Variants in TMCC1 observed in about 807,000 individuals in gnomAD.
TMCC1 encodes the protein transmembrane and coiled-coil domain family 1.
In TMCC1, 15 loss-of-function variants were observed where a neutral mutation model predicts 52.4. The observed-to-expected ratio is 0.29, with a 90% confidence interval of 0.19 to 0.44. TMCC1 has a LOEUF of 0.44. Ranked by LOEUF, TMCC1 falls within the 20% of genes least tolerant of loss-of-function variation. The pLI is 1.00. For missense variants in TMCC1, 503 were observed against 806.0 expected, an observed-to-expected ratio of 0.62 and a Z score of 4.55; for synonymous variants, 279 against 301.9, an observed-to-expected ratio of 0.92 and a Z score of 0.79.
chr3:129,704,722 C>A (rs959831786), intron 4 of TMCC1, among the ~76,000 whole-genome samples: 1 of 152,098 alleles, frequency 6.6e-6, no homozygotes, highest in Non-Finnish European at 1.5e-5. Context: ...TCGGCCCGGG[C>A]AGAACATTTT....
intron 1 of TMCC1, among the ~76,000 whole-genome samples, chr3:129,888,618 A>C (rs1156911895): frequency 6.6e-6 from 1 of 152,242 alleles, no homozygotes; most frequent in Non-Finnish European, 1.5e-5. Flanking sequence ...GAGCCAACTT[A>C]AAGAGCTCCC....
chr3:129,887,466 C>T (rs1202754642), intron 1 of TMCC1, among the ~76,000 whole-genome samples: 2 of 149,550 alleles, frequency 1.3e-5, no homozygotes, highest in African/African-American at 2.5e-5. Flanking sequence ...CACTTGAACC[C>T]GGGAGGTGGA....
At chr3:129,657,194 C>T (rs2108851665) in intron 5 of TMCC1, among the ~76,000 whole-genome samples, 1 of 152,268 alleles carries the variant, frequency 6.6e-6, no homozygotes, top group East Asian at 1.9e-4. Context: ...TTGATAAAAG[C>T]AGACACATGT....
chr3:129,752,957 A>C (rs1422779111), intron 4 of TMCC1, among the ~76,000 whole-genome samples: 2 of 152,154 alleles, frequency 1.3e-5, no homozygotes, highest in Non-Finnish European at 2.9e-5. Flanking sequence ...AGAGAGACAG[A>C]AAGAGAGAAG....
chr3:129,758,619 A>C lies in TMCC1; in HGVS notation c.576+69184T>G, dbSNP rs1262844022. ...GTTAGTATCATAAAGTTAGTTTCCA[A>C]ATTATTTCCTTTTATGTCTTCCCAA... is the stretch of plus-strand genomic sequence containing the variant. On this transcript the variant is annotated intron_variant, in intron 4 of 6. Transcript: ENST00000393238. 4.6e-5 allele frequency among the ~76,000 whole-genome samples: 7 copies of C among 152,270 alleles called. No homozygotes were observed. In the East Asian group the frequency reaches 1.4e-3, roughly 29 times the overall value.
At chr3:129,739,088 A>G (rs1489110681) in intron 4 of TMCC1, among the ~76,000 whole-genome samples, 2 of 152,220 alleles carry the variant, frequency 1.3e-5, no homozygotes, top group Non-Finnish European at 2.9e-5. Context: ...AACTGCTGGG[A>G]TTAAAGGCAG....
At chr3:129,694,815 CATTCTTTT>C (rs1448142959) in intron 4 of TMCC1, among the ~76,000 whole-genome samples, 2 of 152,032 alleles carry the variant, frequency 1.3e-5, no homozygotes, top group Admixed American at 1.3e-4. Flanking sequence ...CTATGGAGGC[CATTCTTTT>C]ATTCTTTTAC....
At chr3:129,748,833 T>C (rs1328398943) in intron 4 of TMCC1, among the ~76,000 whole-genome samples, 1 of 151,950 alleles carries the variant, frequency 6.6e-6, no homozygotes, top group East Asian at 1.9e-4. Flanking sequence ...CAAAACACTG[T>C]CTCTACTAAA....
chr3:129,787,145 T>A (rs931641724), intron 4 of TMCC1, among the ~76,000 whole-genome samples: 20 of 152,196 alleles, frequency 1.3e-4, no homozygotes, highest in Non-Finnish European at 2.5e-4. Flanking sequence ...CAAAGGGATA[T>A]TAGATAATTC....
intron 4 of TMCC1, among the ~76,000 whole-genome samples, chr3:129,687,140 A>C (rs2108938030): frequency 6.6e-6 from 1 of 152,300 alleles, no homozygotes; most frequent in African/African-American, 2.4e-5. Flanking sequence ...TGTATTTACA[A>C]GGCTTACATA....
intron 2 of TMCC1, among the ~76,000 whole-genome samples, chr3:129,878,733 C>CCAG (rs1355879542): frequency 3.3e-5 from 5 of 152,114 alleles, no homozygotes; most frequent in Admixed American, 6.6e-5. Flanking sequence ...CCTACAAAGA[C>CCAG]CAGCAGCAGC....
rs2086311462 is a variant in TMCC1, at chr3:129,651,409, G to C, written c.*72C>G. The C allele has an allele frequency of 6.8e-7, 1 of 1,475,736 alleles. No homozygotes were observed. Among genetic ancestry groups the C allele is most frequent in the South Asian group, 1.3e-5 (1 of 75,582 alleles). The allele number at this position is 1,475,736 out of a possible 1,614,324, so 91.4% of individuals were successfully genotyped here. A position where few individuals can be genotyped will look rare whatever the true frequency, so the allele number is the denominator to read the frequency against. ...TTTTGTTGTAGAAAACTTCAGAGTA[G>C]GTAAGTTGCTGTCTAACTCTCTGCT... On this transcript the variant is annotated 3_prime_UTR_variant, in exon 7 of 7. Coordinates refer to ENST00000393238, the MANE Select transcript of TMCC1 (RefSeq NM_001017395.5). The surrounding 1 kb of genome is among the most constrained non-coding windows in gnomAD (Gnocchi z 5.1).
At chr3:129,837,870 A>T (rs2059236455) in intron 2 of TMCC1, among the ~76,000 whole-genome samples, 1 of 152,238 alleles carries the variant, frequency 6.6e-6, no homozygotes, top group Middle Eastern at 3.2e-3. Flanking sequence ...TAGTAATGAC[A>T]AATGCCTTTG....
chr3:129,671,335 T>G (rs1034196716), intron 4 of TMCC1, 71 bp from the exon 5 acceptor site: 1 of 1,443,712 alleles, frequency 6.9e-7, no homozygotes, highest in Non-Finnish European at 9.3e-7. Flanking sequence ...TGGGCCAAAA[T>G]GTATTGGAAA....
chr3:129,828,360 C>G lies in TMCC1; in HGVS notation c.19G>C (p.Glu7Gln). Residue 7 changes from glutamate to glutamine, a missense_variant, in exon 4 of 7, where the codon GAA (glutamate) becomes CAA (glutamine). This residue lies in a region of TMCC1 where 217 missense variants were observed against 297.9 expected (regional missense o/e 0.73). Coordinates refer to ENST00000393238, the MANE Select transcript of TMCC1 (RefSeq NM_001017395.5). This position sits in a 1 kb window ranked among gnomAD's most constrained non-coding sequence, Gnocchi z 4.1. ...GGATCAGGGTCCTCAAATAACTGTT[C>G]ACTGCCCGAAGGCTCCATCAGTAGA... is the stretch of plus-strand genomic sequence containing the variant. MEPSGS[E>Q]QLFEDPDPGG... 1 of 1,613,898 alleles carries G rather than the reference C, an allele frequency of 6.2e-7. No individual in the cohort carries two copies. The highest frequency in any genetic ancestry group is 8.5e-7 in the Non-Finnish European group (1 of 1,179,942).
At position 129,835,464 on chromosome 3, in the gene TMCC1, CAGAA is replaced by C. The variant is rs562922792; in HGVS notation, c.-183-2642_-183-2639del. Among the ~76,000 whole-genome samples the C allele has an allele frequency of 4.6e-3, 701 of 152,020 alleles. 8 individuals carry two copies. Among genetic ancestry groups the C allele is most frequent in the African/African-American group, 0.016 (655 of 41,474 alleles). Reference sequence around the variant, plus strand: ...GAGACAGATACTCTGTTTTAGAATCCAGAAAGAGAGATATATCAAACAACATTTA... The same window carrying C: ...GAGACAGATACTCTGTTTTAGAATCCAGAGAGATATATCAAACAACATTTA... On this transcript the variant is annotated intron_variant, in intron 2 of 6. Transcript: ENST00000393238.
At chr3:129,834,476 A>G (rs2059065720) in intron 2 of TMCC1, among the ~76,000 whole-genome samples, 1 of 152,224 alleles carries the variant, frequency 6.6e-6, no homozygotes, top group Non-Finnish European at 1.5e-5. Context: ...CAACCAATTT[A>G]CAGTTGAAAA....
chr3:129,822,983 A>T (rs1020714773), intron 4 of TMCC1, among the ~76,000 whole-genome samples: 26 of 152,170 alleles, frequency 1.7e-4, no homozygotes, highest in Non-Finnish European at 3.4e-4. Context: ...TCCCAGTAAG[A>T]TGTTACTATG....
At chr3:129,817,261 T>C (rs1390037906) in intron 4 of TMCC1, among the ~76,000 whole-genome samples, 1 of 152,148 alleles carries the variant, frequency 6.6e-6, no homozygotes, top group Non-Finnish European at 1.5e-5. Context: ...AACAACCTTA[T>C]TGACCAAAGT....
Sources: allele counts gnomAD v4.1 joint callset (sites outside exome capture counted in the v4.1 genomes callset), GRCh38; gene constraint gnomAD v4.1.1; regional missense constraint gnomAD v4.1.1; non-coding constraint Gnocchi (gnomAD v3.1); transcripts MANE v1.5; gene names NCBI Gene and HGNC (gene_info 2026-07-23, HGNC 2026-07-21).